Variants in VPS13A observed in about 807,000 individuals in gnomAD.
The protein encoded by VPS13A is vacuolar protein sorting 13 homolog A, also known as intermembrane lipid transfer protein VPS13A.
Under a neutral mutation model 390.9 loss-of-function variants are expected in VPS13A, and 264 were observed. That is an observed-to-expected ratio of 0.68 (90% CI 0.61 to 0.75). The LOEUF (loss-of-function observed/expected upper bound fraction) is 0.75, where lower values mean the gene tolerates loss of function less well. Among genes scored for constraint, VPS13A ranks in the 30% least tolerant of loss-of-function variants. The pLI, the probability that VPS13A is intolerant of heterozygous loss-of-function variation, is 0.00. For synonymous variants in VPS13A, 1,231 were observed against 1,227.1 expected (o/e 1.00, Z -0.07); for missense variants, 3,409 against 3,733.9 (o/e 0.91, Z 2.27).
Position 77,365,505 on chromosome 9 carries a change from A to G in VPS13A, c.8257A>G (p.Lys2753Glu). 7.4e-6 allele frequency: 12 copies of G among 1,612,390 alleles called. No individual in the cohort carries two copies. Among genetic ancestry groups the G allele is most frequent in the Non-Finnish European group, 9.3e-6 (11 of 1,178,792 alleles). The stretch of plus-strand genomic sequence containing the variant: ...TATAGAAGCTTTCAAAGAAGAATAT[A>G]AAACAGCCTCATTAGTAGATCAATC... ...KDIEAFKEEY[K>E]TASLVDQSQV... The change falls in exon 60 of 72, where the codon AAA (lysine) becomes GAA (glutamate). Residue 2753 changes from lysine (K) to glutamate (E), a missense_variant. Coordinates refer to ENST00000360280, the MANE Select transcript of VPS13A (RefSeq NM_033305.3).
chr9:77,341,549 A>G (rs761913007), intron 50 of VPS13A, among the ~76,000 whole-genome samples: 5 of 151,750 alleles, frequency 3.3e-5, no homozygotes, highest in Non-Finnish European at 2.9e-5. Flanking sequence ...CCTCTCCTCC[A>G]TTCTTCCGTT....
At chr9:77,207,501 T>C (rs1190270847) in intron 5 of VPS13A, among the ~76,000 whole-genome samples, 1 of 151,248 alleles carries the variant, frequency 6.6e-6, no homozygotes, top group Non-Finnish European at 1.5e-5. Flanking sequence ...TCAGAATTCA[T>C]TGTTAATAGT....
intron 59 of VPS13A, among the ~76,000 whole-genome samples, chr9:77,363,536 C>A (rs999953714): frequency 6.6e-6 from 1 of 151,652 alleles, no homozygotes; most frequent in African/African-American, 2.4e-5. Flanking sequence ...GCCTCCCTCC[C>A]GAGTAGCTGG....
intron 68 of VPS13A, among the ~76,000 whole-genome samples, chr9:77,396,855 G>T (rs922374784): frequency 4.6e-5 from 7 of 152,228 alleles, no homozygotes; most frequent in Middle Eastern, 3.4e-3. Context: ...ATTTTAAGTA[G>T]AATCTATTCA....
chr9:77,363,984 G>A (rs7041310), intron 59 of VPS13A, among the ~76,000 whole-genome samples: 44,781 of 151,948 alleles, frequency 0.29, 6,930 homozygotes, highest in Middle Eastern at 0.36. Flanking sequence ...GGGTAAGAGG[G>A]GCAGTGGCCT....
At chr9:77,236,142 A>G (rs1032500703) in intron 17 of VPS13A, among the ~76,000 whole-genome samples, 11 of 152,232 alleles carry the variant, frequency 7.2e-5, no homozygotes, top group Admixed American at 2.0e-4. Context: ...GACATATTCA[A>G]CTTACAATGA....
intron 71 of VPS13A, among the ~76,000 whole-genome samples, chr9:77,411,332 A>G (rs1403957368): frequency 6.6e-6 from 1 of 152,170 alleles, no homozygotes; most frequent in African/African-American, 2.4e-5. Context: ...CACAAGAGAA[A>G]GCAGGAAAAA....
intron 13 of VPS13A, among the ~76,000 whole-genome samples, chr9:77,225,208 C>G (rs1823437301): frequency 6.6e-6 from 1 of 152,048 alleles, no homozygotes; most frequent in South Asian, 2.1e-4. Context: ...TGAGGTATGC[C>G]TGTATCTTAA....
chr9:77,239,231 A>G (rs1262634770), intron 19 of VPS13A, among the ~76,000 whole-genome samples: 1 of 152,102 alleles, frequency 6.6e-6, no homozygotes, highest in Non-Finnish European at 1.5e-5. Context: ...TGATCCCAGC[A>G]CTTTGGGAAG....
intron 68 of VPS13A, among the ~76,000 whole-genome samples, chr9:77,400,254 A>G (rs1361876049): frequency 2.4e-5 from 2 of 82,144 alleles, no homozygotes; most frequent in South Asian, 6.7e-4. Context: ...TTGCTGAACT[A>G]CCTTTTCATA....
intron 29 of VPS13A, 80 bp downstream of exon 29, chr9:77,282,354 A>G: frequency 7.8e-7 from 1 of 1,286,976 alleles, no homozygotes; most frequent in Non-Finnish European, 1.1e-6. Flanking sequence ...TGACTTTATT[A>G]TTAACTTCAA....
chr9:77,340,301 T>G lies in VPS13A; in HGVS notation c.6879+19T>G. The G allele has an allele frequency of 1.2e-6, 2 of 1,608,836 alleles. No homozygotes were observed. Among genetic ancestry groups the G allele is most frequent in the Non-Finnish European group, 1.7e-6 (2 of 1,176,260 alleles). On this transcript the variant is annotated intron_variant, in intron 49 of 71. Transcript: ENST00000360280. ...CTATCAAGTGAGTTCATTCTATGCT[T>G]ATCAAGAAACTTTTATTTTAAATGT...
chr9:77,366,923 A>G lies in VPS13A; in HGVS notation c.8471+51A>G, dbSNP rs769060926. On this transcript the variant is annotated intron_variant, in intron 61 of 71. Transcript: ENST00000360280. Reference sequence around the variant, plus strand: ...ATTGATGGAAATATTTCTATTTTATATGTCCCTAAAAATTTCGTAAATGAA... The same window carrying G: ...ATTGATGGAAATATTTCTATTTTATGTGTCCCTAAAAATTTCGTAAATGAA... 2.5e-5 allele frequency: 39 copies of G among 1,581,536 alleles called. No individual in the cohort carries two copies. In the Middle Eastern group the frequency reaches 1.0e-3, roughly 42 times the overall value.
chr9:77,186,581 A>T (rs1824352955), intron 1 of VPS13A, among the ~76,000 whole-genome samples: 1 of 151,938 alleles, frequency 6.6e-6, no homozygotes, highest in Non-Finnish European at 1.5e-5. Context: ...GGGACTACAG[A>T]TGCATGCCAC....
Position 77,316,156 on chromosome 9 carries a change from T to C in VPS13A, c.4631-18T>C. The C allele has an allele frequency of 6.9e-7, 1 of 1,448,806 alleles. No individual in the cohort carries two copies. The highest frequency in any genetic ancestry group is 9.5e-7 in the Non-Finnish European group (1 of 1,049,630). 89.7% of individuals were successfully genotyped at this position (1,448,806 alleles called of 1,614,324 possible). A position where few individuals can be genotyped will look rare whatever the true frequency, so the allele number is the denominator to read the frequency against. ...ATAATATATAGCAAATATTTTAATC[T>C]ATTTTTATTTGTTTTAGTACCTACA... On this transcript the variant is annotated intron_variant, in intron 38 of 71. Transcript: ENST00000360280.
Position 77,332,074 on chromosome 9 carries a change from C to T in VPS13A, c.6056C>T (p.Ser2019Leu). ...GGGGATACCTTATTGGGAACTGCCT[C>T]ACCTGAAAATGAATTCAACATACCA... ...YEGDTLLGTA[S>L]PENEFNIPLG... Residue 2019 changes from serine to leucine, a missense_variant, in exon 46 of 72, where the codon TCA becomes TTA. Ser to Leu is a moderately radical substitution (Grantham distance 145). This residue lies in a region of VPS13A where 2,717 missense variants were observed against 2,917.4 expected (regional missense o/e 0.93). Coordinates refer to ENST00000360280, the MANE Select transcript of VPS13A (RefSeq NM_033305.3). The T allele has an allele frequency of 6.2e-7, 1 of 1,612,232 alleles. No homozygotes were observed. Among genetic ancestry groups the T allele is most frequent in the South Asian group, 1.1e-5 (1 of 90,998 alleles).
intron 1 of VPS13A, among the ~76,000 whole-genome samples, chr9:77,196,670 G>GT (rs1825021665): frequency 1.4e-5 from 2 of 146,404 alleles, no homozygotes; most frequent in African/African-American, 2.5e-5. Context: ...ATATTGTTTT[G>GT]TTTTGTTTTT....
At position 77,344,237 on chromosome 9, in the gene VPS13A, T is replaced by G. The variant is rs760464376; in HGVS notation, c.7111T>G (p.Phe2371Val). 1.2e-6 allele frequency: 2 copies of G among 1,613,578 alleles called. No homozygotes were observed. The highest frequency in any genetic ancestry group is 2.2e-5 in the South Asian group (2 of 91,034). ...TGAAGATCCTCCCAAAAGGATATAT[T>G]TTAACAAGCAGGAAAATTGTATTCT... Reference protein sequence around the residue: ...RSEDPPKRIYFNKQENCILLR... With the variant: ...RSEDPPKRIYVNKQENCILLR... Residue 2371 changes from phenylalanine (F) to valine (V), a missense_variant, in exon 51 of 72, where the codon TTT becomes GTT. Around this residue, in one of 5 missense-constraint regions of VPS13A, gnomAD observed 2,717 missense variants for 2,917.4 expected, o/e 0.93. Coordinates refer to ENST00000360280, the MANE Select transcript of VPS13A (RefSeq NM_033305.3).
Position 77,276,173 on chromosome 9 carries a change from G to C in VPS13A, c.2776G>C (p.Ala926Pro). 1 of 1,610,102 alleles carries C rather than the reference G, an allele frequency of 6.2e-7. No individual in the cohort carries two copies. The highest frequency in any genetic ancestry group is 8.5e-7 in the Non-Finnish European group (1 of 1,178,204). The change falls in exon 26 of 72, where the codon GCA becomes CCA. Residue 926 changes from alanine (A) to proline (P), a missense_variant. This residue lies in a region of VPS13A where 2,717 missense variants were observed against 2,917.4 expected (regional missense o/e 0.93). Coordinates refer to ENST00000360280, the MANE Select transcript of VPS13A (RefSeq NM_033305.3). ...TGAGATTAGAACATACGATTTGAAA[G>C]CAAATGCCTTTTTGAAAGAGTTCTG... ...EIEIRTYDLK[A>P]NAFLKEFCLK... is the part of the protein sequence containing the mutation.
Sources: allele counts gnomAD v4.1 joint callset (sites outside exome capture counted in the v4.1 genomes callset), GRCh38; gene constraint gnomAD v4.1.1; regional missense constraint gnomAD v4.1.1; transcripts MANE v1.5; gene names NCBI Gene and HGNC (gene_info 2026-07-23, HGNC 2026-07-21).